The following CLSTN3 variants were observed in gnomAD, a reference collection of about 807,000 sequenced individuals.
CLSTN3 encodes the protein calsyntenin-3.
In CLSTN3, 36 loss-of-function variants were observed where a neutral mutation model predicts 95.9. That is an observed-to-expected ratio of 0.38 (90% CI 0.29 to 0.50). The LOEUF (loss-of-function observed/expected upper bound fraction) is 0.50, where lower values mean the gene tolerates loss of function less well. Among genes scored for constraint, CLSTN3 ranks in the 20% least tolerant of loss-of-function variants. CLSTN3 has a pLI of 0.95. For synonymous variants in CLSTN3, 481 were observed against 504.0 expected (o/e 0.95, Z 0.61); for missense variants, 1,084 against 1,268.8 (o/e 0.85, Z 2.21).
Position 7,154,868 on chromosome 12 carries a change from G to A in CLSTN3, c.2528-2621G>A, listed in dbSNP as rs763546820. Reference sequence around the variant, plus strand: ...GGATCCAATGAAGCCAGGGAATAAAGTCAGCTCATAACATGCGTACTATGA... The same window carrying A: ...GGATCCAATGAAGCCAGGGAATAAAATCAGCTCATAACATGCGTACTATGA... On this transcript the variant is annotated intron_variant, in intron 16 of 17. Transcript: ENST00000266546. Among the ~76,000 whole-genome samples, 43 of 152,202 alleles carry A rather than the reference G, an allele frequency of 2.8e-4. 1 individual carries two copies. Among genetic ancestry groups the A allele is most frequent in the Admixed American group, 5.9e-4 (9 of 15,288 alleles).
chr12:7,142,010 C>T (rs1278844478), intron 9 of CLSTN3, 76 bp from the exon 10 acceptor site: 16 of 1,148,804 alleles, frequency 1.4e-5, no homozygotes, highest in Non-Finnish European at 2.0e-5. Context: ...GAGAGGAAGA[C>T]ATCTCATTCC....
intron 12 of CLSTN3, among the ~76,000 whole-genome samples, chr12:7,144,977 G>A (rs756265257): frequency 9.9e-5 from 15 of 151,496 alleles, no homozygotes; most frequent in Non-Finnish European, 1.8e-4. Flanking sequence ...TTAAAGGGCT[G>A]TCATCCAGTT....
At position 7,150,623 on chromosome 12, in the gene CLSTN3, C is replaced by T. The variant is rs758075521; in HGVS notation, c.2325C>T (p.Thr775=). The T allele has an allele frequency of 6.2e-7, 1 of 1,614,158 alleles. No homozygotes were observed. Among genetic ancestry groups the T allele is most frequent in the East Asian group, 2.2e-5 (1 of 44,874 alleles). The change falls in exon 15 of 18, where the codon ACC becomes ACT. Residue 775 remains threonine (T), a synonymous_variant. Coordinates refer to ENST00000266546, the MANE Select transcript of CLSTN3 (RefSeq NM_014718.4). This position sits in a 1 kb window ranked among gnomAD's most constrained non-coding sequence, Gnocchi z 4.0. ...YRLRHGAALY[T]RKFRLSCSEM... ...TGCGACACGGAGCTGCCCTCTACAC[C>T]AGGAAGTTCCGGCTTTCCTGCTCGG...
upstream of CLSTN3, chr12:7,130,228 A>G (rs1939256204): frequency 3.9e-6 from 1 of 258,892 alleles, no homozygotes; most frequent in Admixed American, 6.0e-5. Flanking sequence ...AATTGCAGCC[A>G]GGGGAAGGAG....
chr12:7,157,137 A>G lies in CLSTN3; in HGVS notation c.2528-352A>G, dbSNP rs774410457. ...CTCTGGGGAAGGCACAGGTGGAATG[A>G]CAGGGGCAGATTCCAGTCCTTGCCC... On this transcript the variant is annotated intron_variant, in intron 16 of 17. Transcript: ENST00000266546. This position sits in a 1 kb window ranked among gnomAD's most constrained non-coding sequence, Gnocchi z 5.9. Among the ~76,000 whole-genome samples the G allele has an allele frequency of 6.6e-5, 10 of 152,174 alleles. No individual in the cohort carries two copies. The highest frequency in any genetic ancestry group is 1.3e-4 in the Non-Finnish European group (9 of 68,028).
At position 7,141,366 on chromosome 12, in the gene CLSTN3, G is replaced by C; in HGVS notation, c.1448G>C (p.Arg483Pro). The change falls in exon 9 of 18, where the codon CGA becomes CCA. Residue 483 changes from arginine (R) to proline (P), a missense_variant. Physicochemically the swap from Arg to Pro is moderately radical, Grantham distance 103. Coordinates refer to ENST00000266546, the MANE Select transcript of CLSTN3 (RefSeq NM_014718.4). This position sits in a 1 kb window ranked among gnomAD's most constrained non-coding sequence, Gnocchi z 4.1. ...GACAATGGCCTCATCCACCCACCCCGAAGGGAGCCTGCTCTCATGATTGGG... is the reference window on the plus strand; with the variant it reads ...GACAATGGCCTCATCCACCCACCCCCAAGGGAGCCTGCTCTCATGATTGGG... ...IHDNGLIHPP[R>P]REPALMIGAC... The C allele has an allele frequency of 1.2e-6, 2 of 1,614,100 alleles. No homozygotes were observed. The highest frequency in any genetic ancestry group is 1.7e-6 in the Non-Finnish European group (2 of 1,180,010).
rs774395328 is a variant in CLSTN3 at position 7,133,185 on chromosome 12, G to C, written c.187+39G>C. 1.1e-5 allele frequency: 17 copies of C among 1,542,022 alleles called. No individual in the cohort carries two copies. Among genetic ancestry groups the C allele is most frequent in the African/African-American group, 1.4e-5 (1 of 73,168 alleles). ...GGGGATGGCAAGGCAGGGTAGGACAGAGAAAAGTGGGTGGGAGGGCCAAGA... is the reference window on the plus strand; with the variant it reads ...GGGGATGGCAAGGCAGGGTAGGACACAGAAAAGTGGGTGGGAGGGCCAAGA... On this transcript the variant is annotated intron_variant, in intron 2 of 17. Coordinates refer to ENST00000266546, the MANE Select transcript of CLSTN3 (RefSeq NM_014718.4). This position sits in a 1 kb window ranked among gnomAD's most constrained non-coding sequence, Gnocchi z 4.7.
At chr12:7,139,314 G>A (rs1471387166) in intron 8 of CLSTN3, among the ~76,000 whole-genome samples, 2 of 152,332 alleles carry the variant, frequency 1.3e-5, no homozygotes, top group Non-Finnish European at 2.9e-5. Flanking sequence ...ACCTGACTGA[G>A]GGGAAATTTA....
In CLSTN3 at chr12:7,136,207, C is replaced by T; in HGVS notation, c.744C>T (p.Gly248=). The change falls in exon 6 of 18, where the codon GGC becomes GGT. Residue 248 remains glycine (G), a splice_region_variant and synonymous_variant. Coordinates refer to ENST00000266546, the MANE Select transcript of CLSTN3 (RefSeq NM_014718.4). ...VKPTCKPSWQ[G]WNKRIEYAPG... is the part of the protein sequence containing the mutation. ...ACCCTCTCTGTCTCACCCATGCAGG[C>T]TGGAACAAAAGGATCGAATATGCAC... The T allele has an allele frequency of 6.2e-7, 1 of 1,613,372 alleles. No homozygotes were observed. The highest frequency in any genetic ancestry group is 2.2e-5 in the East Asian group (1 of 44,888).
chr12:7,149,073 A>G lies in CLSTN3; in HGVS notation c.1949A>G (p.His650Arg), dbSNP rs1247215272. ...APQILLSGTA[H>R]FARPAVDFEG... The stretch of plus-strand genomic sequence containing the variant: ...CAGATCCTGCTGAGTGGCACTGCTC[A>G]TTTTGCCCGCCCAGCTGTGGACTTT... Residue 650 changes from histidine (H) to arginine (R), a missense_variant, in exon 13 of 18, where the codon CAT becomes CGT. By Grantham distance (29) the His-to-Arg change is conservative. Transcript: ENST00000266546. This position sits in a 1 kb window ranked among gnomAD's most constrained non-coding sequence, Gnocchi z 4.5. 1.9e-6 allele frequency: 3 copies of G among 1,613,986 alleles called. No homozygotes were observed. The highest frequency in any genetic ancestry group is 2.2e-5 in the South Asian group (2 of 91,082).
At position 7,157,825 on chromosome 12, in the gene CLSTN3, G is replaced by T; in HGVS notation, c.2731-116G>T. 6.7e-7 allele frequency: 1 copy of T among 1,501,042 alleles called. No individual in the cohort carries two copies. Among genetic ancestry groups the T allele is most frequent in the Admixed American group, 2.0e-5 (1 of 50,012 alleles). The allele number at this position is 1,501,042 out of a possible 1,614,324, so 93.0% of individuals were successfully genotyped here. On this transcript the variant is annotated intron_variant, in intron 17 of 17. Transcript: ENST00000266546. The surrounding 1 kb of genome is among the most constrained non-coding windows in gnomAD (Gnocchi z 5.9). Reference sequence around the variant, plus strand: ...AGTGAGCCGGAGGGAGAGAGGTTCAGGCAGGGAAGGGGGTACACAGGGGTT... The same window carrying T: ...AGTGAGCCGGAGGGAGAGAGGTTCATGCAGGGAAGGGGGTACACAGGGGTT...
At chr12:7,138,831 A>C (rs1330215590) in intron 8 of CLSTN3, 2 of 17,170 alleles carry the variant, frequency 1.2e-4, no homozygotes, top group Non-Finnish European at 3.9e-4. Context: ...GCAAACGGCA[A>C]AAAAAAAAAA....
Position 7,156,059 on chromosome 12 carries a change from C to T in CLSTN3, c.2528-1430C>T, listed in dbSNP as rs182271969. 4.0e-4 allele frequency: 144 copies of T among 356,882 alleles called. 1 individual carries two copies. The Admixed American group carries it at 5.3e-3, about 13-fold the overall frequency. 22.1% of individuals were successfully genotyped at this position (356,882 alleles called of 1,614,324 possible). ...GTAATTTGCGGACGGGGCTGGAATG[C>T]GATGTGTGTATTTTTCTAGGGGCTT... On this transcript the variant is annotated intron_variant, in intron 16 of 17. Transcript: ENST00000266546.
chr12:7,139,654 T>C (rs1369422940), intron 8 of CLSTN3, among the ~76,000 whole-genome samples: 1 of 78,224 alleles, frequency 1.3e-5, no homozygotes, highest in Non-Finnish European at 3.4e-5. Flanking sequence ...ATTATTATTA[T>C]TATTTTTTTT....
chr12:7,131,731 C>T, intron 1 of CLSTN3: 1 of 449,472 alleles, frequency 2.2e-6, no homozygotes, highest in Non-Finnish European at 4.4e-6. Flanking sequence ...GCCTGCATCT[C>T]TGACCTCAGC....
intron 16 of CLSTN3, among the ~76,000 whole-genome samples, chr12:7,152,337 T>G (rs999267165): frequency 2.0e-5 from 3 of 152,242 alleles, no homozygotes; most frequent in African/African-American, 7.2e-5. Context: ...CAGAGCCAAT[T>G]TATGAGGTGC....
Position 7,130,485 on chromosome 12 carries a change from G to A in CLSTN3, c.-164G>A. ...GCTACCCAGATTGGGATCTGCCCAG[G>A]CCCGCTTTATGGACTAGTGTGGGCG... On this transcript the variant is annotated 5_prime_UTR_variant, in exon 1 of 18. Coordinates refer to ENST00000266546, the MANE Select transcript of CLSTN3 (RefSeq NM_014718.4). 1 of 1,522,696 alleles carries A rather than the reference G, an allele frequency of 6.6e-7. No individual in the cohort carries two copies. The highest frequency in any genetic ancestry group is 1.2e-5 in the South Asian group (1 of 82,116). The allele number at this position is 1,522,696 out of a possible 1,614,324, so 94.3% of individuals were successfully genotyped here.
rs35489298 is a variant in CLSTN3, at chr12:7,137,756, ATGTGTG to A, written c.1211-164_1211-159del. Among the ~76,000 whole-genome samples, 233 of 76,156 alleles carry A rather than the reference ATGTGTG, an allele frequency of 3.1e-3. No homozygotes were observed. The highest frequency in any genetic ancestry group is 0.012 in the African/African-American group (198 of 16,804). 50.0% of individuals were successfully genotyped at this position (76,156 alleles called of 152,430 possible). On this transcript the variant is annotated intron_variant, in intron 7 of 17. Transcript: ENST00000266546. The surrounding 1 kb of genome is among the most constrained non-coding windows in gnomAD (Gnocchi z 4.4). ...AGCCCAAGTTATCACTTGGACTGGA[ATGTGTG>A]TGTGTGTGTGTGTGTGTGTGTGTGT...
chr12:7,152,845 A>G (rs764031983), intron 16 of CLSTN3, among the ~76,000 whole-genome samples: 1 of 152,352 alleles, frequency 6.6e-6, no homozygotes, highest in South Asian at 2.1e-4. Flanking sequence ...AAGTAAGTGG[A>G]GCCAGGATTT....
Sources: gnomAD v4.1 joint callset for allele counts (sites outside exome capture counted in the v4.1 genomes callset) on GRCh38, gnomAD v4.1.1 for gene constraint, Gnocchi (gnomAD v3.1) non-coding constraint, MANE v1.5 for transcripts, NCBI Gene and HGNC (gene_info 2026-07-23, HGNC 2026-07-21) for gene names.